Variants in DGKI observed in about 807,000 individuals in gnomAD.
DGKI encodes DAG kinase iota.
A neutral mutation model predicts 147.5 loss-of-function variants in DGKI; 55 were observed. That is an observed-to-expected ratio of 0.37 (90% CI 0.30 to 0.47). The LOEUF (loss-of-function observed/expected upper bound fraction) is 0.47. Ranked by LOEUF, DGKI falls within the 20% of genes least tolerant of loss-of-function variation. DGKI has a pLI of 1.00. For synonymous variants in DGKI, 469 were observed against 477.1 expected (o/e 0.98, Z 0.22); for missense variants, 1,007 against 1,323.8 (o/e 0.76, Z 3.71).
chr7:137,394,965 C>A (rs991297261), intron 32 of DGKI, among the ~76,000 whole-genome samples: 49 of 152,178 alleles, frequency 3.2e-4, no homozygotes, highest in African/African-American at 1.2e-3. Context: ...TTTCTCTAGG[C>A]TTTTAGCTCC....
At chr7:137,827,418 C>T (rs1245285980) in intron 1 of DGKI, among the ~76,000 whole-genome samples, 2 of 152,196 alleles carry the variant, frequency 1.3e-5, no homozygotes, top group Non-Finnish European at 2.9e-5. Context: ...TCACCATTCA[C>T]ACTGCTGCAC....
intron 5 of DGKI, among the ~76,000 whole-genome samples, chr7:137,653,134 G>C (rs1234575957): frequency 2.0e-5 from 3 of 152,238 alleles, no homozygotes; most frequent in Non-Finnish European, 4.4e-5. Context: ...GTGTTTGTGT[G>C]TGTGTGTGTG....
intron 1 of DGKI, among the ~76,000 whole-genome samples, chr7:137,803,749 A>T (rs775042335): frequency 6.6e-6 from 1 of 152,206 alleles, no homozygotes; most frequent in Non-Finnish European, 1.5e-5. Flanking sequence ...TGCAAATGAA[A>T]CATATTAAGT....
chr7:137,472,100 T>C (rs1814930790), intron 23 of DGKI, among the ~76,000 whole-genome samples: 1 of 122,164 alleles, frequency 8.2e-6, no homozygotes. Context: ...TATACACATA[T>C]ATGTGTATAT....
intron 1 of DGKI, chr7:137,775,076 A>T (rs980380350): frequency 2.6e-5 from 4 of 151,476 alleles, no homozygotes; most frequent in African/African-American, 9.7e-5. Context: ...TAACACACTA[A>T]GCTGACTCAG....
At chr7:137,829,273 G>A (rs1400640470) in intron 1 of DGKI, among the ~76,000 whole-genome samples, 3 of 152,192 alleles carry the variant, frequency 2.0e-5, no homozygotes, top group Non-Finnish European at 4.4e-5. Context: ...GGATGATGCG[G>A]AACACCAAAG....
chr7:137,546,567 A>C (rs568013383), intron 20 of DGKI, among the ~76,000 whole-genome samples: 2 of 152,348 alleles, frequency 1.3e-5, no homozygotes, highest in East Asian at 3.9e-4. Flanking sequence ...CTGTATTGCT[A>C]TCATTCCACC....
At chr7:137,439,788 C>CA (rs200385477) in intron 28 of DGKI, among the ~76,000 whole-genome samples, 2,427 of 152,252 alleles carry the variant, frequency 0.016, 68 homozygotes, top group African/African-American at 0.055. Flanking sequence ...ACTGCTGCAA[C>CA]AAAAAAGCTG....
chr7:137,404,225 T>C (rs1811860001), intron 30 of DGKI, among the ~76,000 whole-genome samples: 1 of 152,204 alleles, frequency 6.6e-6, no homozygotes, highest in Non-Finnish European at 1.5e-5. Context: ...TAATATAAAC[T>C]GAATCAGCAA....
At chr7:137,609,669 G>T in intron 8 of DGKI, 60 bp from the exon 9 acceptor site, 2 of 1,224,202 alleles carry the variant, frequency 1.6e-6, no homozygotes, top group Non-Finnish European at 1.2e-6. Flanking sequence ...GCTTTCCCAT[G>T]CAGAACCAAG....
intron 8 of DGKI, among the ~76,000 whole-genome samples, chr7:137,613,807 C>T (rs1820443429): frequency 6.6e-6 from 1 of 152,034 alleles, no homozygotes; most frequent in Non-Finnish European, 1.5e-5. Flanking sequence ...GACTTTTCCC[C>T]AAGAATCTTT....
intron 28 of DGKI, among the ~76,000 whole-genome samples, chr7:137,438,921 G>C (rs1813386714): frequency 6.6e-6 from 1 of 152,062 alleles, no homozygotes; most frequent in Non-Finnish European, 1.5e-5. Context: ...ACATATATGA[G>C]TTATATATCC....
intron 1 of DGKI, among the ~76,000 whole-genome samples, chr7:137,718,958 C>T (rs571091257): frequency 3.3e-5 from 5 of 152,242 alleles, no homozygotes; most frequent in East Asian, 3.9e-4. Flanking sequence ...CGGTCTTTCA[C>T]GCCATCGATA....
chr7:137,463,600 C>G lies in DGKI; in HGVS notation c.2624G>C (p.Trp875Ser), dbSNP rs1240071585. 7.4e-6 allele frequency: 12 copies of G among 1,614,116 alleles called. No homozygotes were observed. The highest frequency in any genetic ancestry group is 1.0e-5 in the Non-Finnish European group (12 of 1,179,988). ...GCGTTTCCGCAGGGCAGGATTCCAC[C>G]AGTCTGAGATCCTGAGAGAAAGAAG... is the stretch of plus-strand genomic sequence containing the variant. ...VVEQASGISD[W>S]WNPALRKRML... Residue 875 changes from tryptophan (W) to serine (S), a missense_variant, in exon 27 of 33, where the codon TGG becomes TCG. Coordinates refer to ENST00000614521, the MANE Select transcript of DGKI (RefSeq NM_001321708.2).
At chr7:137,572,460 G>A (rs1345567893) in intron 18 of DGKI, among the ~76,000 whole-genome samples, 4 of 152,104 alleles carry the variant, frequency 2.6e-5, no homozygotes, top group African/African-American at 4.8e-5. Flanking sequence ...TCTTAGATGG[G>A]GAGGAAGAGG....
At chr7:137,569,376 G>C (rs1276043767) in intron 19 of DGKI, among the ~76,000 whole-genome samples, 1 of 151,970 alleles carries the variant, frequency 6.6e-6, no homozygotes, top group Non-Finnish European at 1.5e-5. Flanking sequence ...AGTAACCCAC[G>C]TATGGACAGT....
At chr7:137,554,870 T>C (rs921691541) in intron 19 of DGKI, among the ~76,000 whole-genome samples, 12 of 151,886 alleles carry the variant, frequency 7.9e-5, no homozygotes, top group Admixed American at 1.3e-4. Flanking sequence ...AACAAACCTC[T>C]TGTAAGACTA....
rs139628913 is a variant in DGKI at position 137,818,324 on chromosome 7, A to T, written c.401+28138T>A. Among the ~76,000 whole-genome samples, 215 of 152,152 alleles carry T rather than the reference A, an allele frequency of 1.4e-3. 2 individuals carry two copies. The highest frequency in any genetic ancestry group is 4.8e-3 in the African/African-American group (201 of 41,510). On this transcript the variant is annotated intron_variant, in intron 1 of 32. Coordinates refer to ENST00000614521, the MANE Select transcript of DGKI (RefSeq NM_001321708.2). ...AATGTGTCATCAACCACACAAGTGC[A>T]CTCCTCAGATGGCTCAAGTGGACCA... is the stretch of plus-strand genomic sequence containing the variant.
intron 1 of DGKI, among the ~76,000 whole-genome samples, chr7:137,731,827 T>C (rs1427249967): frequency 6.6e-6 from 1 of 152,032 alleles, no homozygotes; most frequent in East Asian, 1.9e-4. Flanking sequence ...ATCCCAGAAT[T>C]GCCAAGCCCC....
Sources: allele counts gnomAD v4.1 joint callset (sites outside exome capture counted in the v4.1 genomes callset), GRCh38; gene constraint gnomAD v4.1.1; transcripts MANE v1.5; gene names NCBI Gene and HGNC (gene_info 2026-07-23, HGNC 2026-07-21).